Variants in WDR27 observed in about 807,000 individuals in gnomAD.
WDR27 encodes the protein WD repeat domain 27.
WDR27 carries 100 observed loss-of-function variants against 114.4 expected under a neutral mutation model. The observed-to-expected ratio is 0.87, with a 90% CI of 0.74 to 1.03. WDR27 has a LOEUF of 1.03. Ranked by LOEUF, WDR27 falls within the 50% of genes least tolerant of loss-of-function variation. WDR27 has a pLI of 0.00. For missense variants in WDR27, 1,129 were observed against 1,092.9 expected, an observed-to-expected ratio of 1.03 and a Z score of -0.47; for synonymous variants, 449 against 423.1, an observed-to-expected ratio of 1.06 and a Z score of -0.75.
At chr6:169,660,864 G>A (rs1825888989) in intron 9 of WDR27, 98 bp from the exon 10 acceptor site, 1 of 1,004,722 alleles carries the variant, frequency 1.0e-6, no homozygotes, top group Admixed American at 2.3e-5. Flanking sequence ...CTCTCCGCAG[G>A]AGTGGGGAGT....
chr6:169,651,319 G>A (rs933790252), intron 14 of WDR27, among the ~76,000 whole-genome samples: 7 of 152,132 alleles, frequency 4.6e-5, no homozygotes, highest in Non-Finnish European at 7.4e-5. Context: ...CATTTTGGCC[G>A]CTATGTTAAG....
intron 25 of WDR27, among the ~76,000 whole-genome samples, chr6:169,552,942 G>A (rs1403497499): frequency 6.7e-6 from 1 of 149,676 alleles, no homozygotes; most frequent in African/African-American, 2.5e-5. Context: ...GCTCGCACGC[G>A]CTCTGTGTGC....
At chr6:169,531,429 T>C (rs1266323817) in intron 25 of WDR27, among the ~76,000 whole-genome samples, 1 of 152,098 alleles carries the variant, frequency 6.6e-6, no homozygotes, top group African/African-American at 2.4e-5. Context: ...ACAGAAACAT[T>C]TGGATAAGAG....
chr6:169,609,242 C>G (rs1809968867), intron 22 of WDR27, among the ~76,000 whole-genome samples: 1 of 152,150 alleles, frequency 6.6e-6, no homozygotes, highest in African/African-American at 2.4e-5. Flanking sequence ...GATGGTGGCC[C>G]TCTTCTCACA....
At chr6:169,492,564 C>T (rs1196100240) in intron 25 of WDR27, among the ~76,000 whole-genome samples, 1 of 151,834 alleles carries the variant, frequency 6.6e-6, no homozygotes, top group African/African-American at 2.4e-5. Flanking sequence ...CAAGTTTATA[C>T]CAAGCTAAAT....
At chr6:169,512,244 A>C (rs1461630639) in intron 25 of WDR27, among the ~76,000 whole-genome samples, 3 of 152,158 alleles carry the variant, frequency 2.0e-5, no homozygotes, top group African/African-American at 4.8e-5. Context: ...GATGTCTTGG[A>C]AATGTAATAA....
At chr6:169,604,816 C>T (rs932303050) in intron 22 of WDR27, among the ~76,000 whole-genome samples, 47 of 152,032 alleles carry the variant, frequency 3.1e-4, no homozygotes, top group East Asian at 1.2e-3. Context: ...AAATGTGATA[C>T]ATAACATAAA....
intron 25 of WDR27, among the ~76,000 whole-genome samples, chr6:169,478,860 T>C (rs1293174248): frequency 1.3e-5 from 2 of 152,210 alleles, no homozygotes; most frequent in Non-Finnish European, 2.9e-5. Flanking sequence ...TGGCTAGCCA[T>C]ATGCAGAATA....
At chr6:169,667,381 A>G in intron 5 of WDR27, 194 bp from the exon 6 acceptor site, 15 of 1,233,274 alleles carry the variant, frequency 1.2e-5, no homozygotes, top group Non-Finnish European at 1.5e-5. Flanking sequence ...AAAGAAAAAA[A>G]TAACATCACT....
rs748564769 is a variant in WDR27 at position 169,551,223 on chromosome 6, A to T, written c.2645+21196T>A. Among the ~76,000 whole-genome samples, 81 of 152,076 alleles carry T rather than the reference A, an allele frequency of 5.3e-4. 2 individuals are homozygous for T. Among genetic ancestry groups the T allele is most frequent in the Admixed American group, 1.4e-3 (21 of 15,264 alleles). Reference sequence around the variant, plus strand: ...TGGATGAAACTACTACAGTAAACAAACTGATTTCTACCACCCCTACAGCTA... The same window carrying T: ...TGGATGAAACTACTACAGTAAACAATCTGATTTCTACCACCCCTACAGCTA... On this transcript the variant is annotated intron_variant, in intron 25 of 25. Transcript: ENST00000448612.
rs112450571 is a variant in WDR27, at chr6:169,457,488, C to T, written c.*104G>A. The stretch of plus-strand genomic sequence containing the variant: ...GAGGCAAGTCTCAAAATATGAAAAA[C>T]AGTTGCTGCTTCTGGCCCCCTGATG... On this transcript the variant is annotated 3_prime_UTR_variant, in exon 26 of 26. Transcript: ENST00000448612. 2,618 of 965,618 alleles carry T rather than the reference C, an allele frequency of 2.7e-3. 54 individuals are homozygous for T. In the African/African-American group the frequency reaches 0.04, roughly 15 times the overall value. 59.8% of individuals were successfully genotyped at this position (965,618 alleles called of 1,614,324 possible).
chr6:169,431,157 A>G, the WDR27 span, among the ~76,000 whole-genome samples: 1 of 152,104 alleles, frequency 6.6e-6, no homozygotes, highest in Non-Finnish European at 1.5e-5. Flanking sequence ...TAGCGCCAAT[A>G]ATTTGTTTTT....
chr6:169,437,888 G>A, the WDR27 span, among the ~76,000 whole-genome samples: 2 of 151,788 alleles, frequency 1.3e-5, no homozygotes, highest in African/African-American at 4.8e-5. Flanking sequence ...TGTATTCTTG[G>A]CTCTTCTTTT....
chr6:169,532,114 A>G (rs1177842319), intron 25 of WDR27, among the ~76,000 whole-genome samples: 1 of 152,110 alleles, frequency 6.6e-6, no homozygotes, highest in African/African-American at 2.4e-5. Context: ...GTACATTTTT[A>G]ATTTTAATAC....
At chr6:169,585,794 G>A (rs985324695) in intron 23 of WDR27, among the ~76,000 whole-genome samples, 7 of 152,138 alleles carry the variant, frequency 4.6e-5, no homozygotes, top group South Asian at 2.1e-4. Context: ...GGTTGGTTTT[G>A]CCGTCTCAGC....
At chr6:169,668,557 C>T (rs185450194) in intron 4 of WDR27, 119 of 186,310 alleles carry the variant, frequency 6.4e-4, no homozygotes, top group African/African-American at 2.8e-3. Context: ...GTCCCTAAAA[C>T]CTCCGACAGC....
At chr6:169,597,085 A>G (rs1158464366) in intron 23 of WDR27, among the ~76,000 whole-genome samples, 1 of 152,202 alleles carries the variant, frequency 6.6e-6, no homozygotes, top group Admixed American at 6.5e-5. Context: ...TCTACTTTAC[A>G]CTAAAGTATT....
intron 16 of WDR27, among the ~76,000 whole-genome samples, chr6:169,646,200 G>T (rs535628218): frequency 1.3e-5 from 2 of 152,302 alleles, no homozygotes; most frequent in South Asian, 4.1e-4. Context: ...ACCTTGTAAG[G>T]CGCTGCCTTT....
chr6:169,636,116 C>T (rs188353211), intron 19 of WDR27, among the ~76,000 whole-genome samples: 3 of 152,234 alleles, frequency 2.0e-5, no homozygotes, highest in Non-Finnish European at 2.9e-5. Context: ...TGCTGCAGAG[C>T]CGAGATGATA....
Sources: gnomAD v4.1 joint callset for allele counts (sites outside exome capture counted in the v4.1 genomes callset) on GRCh38, gnomAD v4.1.1 for gene constraint, MANE v1.5 for transcripts, NCBI Gene and HGNC (gene_info 2026-07-23, HGNC 2026-07-21) for gene names.